MCTP1: variants seen among roughly 807,000 people sequenced by gnomAD.
MCTP1 encodes the protein multiple C2 and transmembrane domain containing 1, also known as multiple C2 and transmembrane domain-containing protein 1.
MCTP1 carries 69 observed loss-of-function variants against 120.6 expected under a neutral mutation model. The ratio of observed to expected loss-of-function variants is 0.57; its 90% CI spans 0.47 to 0.70. MCTP1 has a LOEUF of 0.70. Among genes scored for constraint, MCTP1 ranks in the 30% least tolerant of loss-of-function variants. The pLI is 0.00. For synonymous variants in MCTP1, 529 were observed against 493.1 expected (o/e 1.07, Z -0.96); for missense variants, 1,203 against 1,248.8 (o/e 0.96, Z 0.55).
At chr5:94,837,446 A>C (rs993913871) in intron 17 of MCTP1, among the ~76,000 whole-genome samples, 2 of 152,204 alleles carry the variant, frequency 1.3e-5, no homozygotes, top group Admixed American at 1.3e-4. Context: ...TCTGAGATTC[A>C]CTACTTCAGA....
At chr5:94,821,354 A>G (rs748832543) in intron 17 of MCTP1, among the ~76,000 whole-genome samples, 6 of 152,158 alleles carry the variant, frequency 3.9e-5, no homozygotes, top group Non-Finnish European at 8.8e-5. Context: ...AAAATTGTGA[A>G]TCATGTATCT....
At chr5:94,810,651 A>T (rs1414955732) in intron 17 of MCTP1, among the ~76,000 whole-genome samples, 1 of 152,190 alleles carries the variant, frequency 6.6e-6, no homozygotes, top group Non-Finnish European at 1.5e-5. Flanking sequence ...ATGATCAATT[A>T]TGGTAATTCC....
chr5:94,747,609 GGACTGTA>G (rs1767222139), intron 19 of MCTP1, among the ~76,000 whole-genome samples: 1 of 151,946 alleles, frequency 6.6e-6, no homozygotes, highest in Admixed American at 6.6e-5. Context: ...TTTGGCCTGT[GGACTGTA>G]GTTTACTGAC....
chr5:94,812,896 TTCTCTC>T lies in MCTP1; in HGVS notation c.2437-13770_2437-13765del, dbSNP rs70978132. Reference sequence around the variant, plus strand: ...ATTCACAGACACAACACCAAAAGCATTCTCTCTCTCTCTCTCTCTCTCTCTCTCTGT... The same window carrying T: ...ATTCACAGACACAACACCAAAAGCATTCTCTCTCTCTCTCTCTCTCTCTGT... On this transcript the variant is annotated intron_variant, in intron 17 of 22. Coordinates refer to ENST00000515393, the MANE Select transcript of MCTP1 (RefSeq NM_024717.7). Among the ~76,000 whole-genome samples the T allele has an allele frequency of 3.1e-3, 455 of 147,256 alleles. 3 individuals are homozygous for T. The highest frequency in any genetic ancestry group is 0.019 in the East Asian group (95 of 4,952).
At chr5:95,072,736 A>C (rs1313341101) in intron 1 of MCTP1, among the ~76,000 whole-genome samples, 2 of 135,318 alleles carry the variant, frequency 1.5e-5, no homozygotes, top group Non-Finnish European at 3.1e-5. Context: ...TCTGCTTAGC[A>C]ACTATTTTTT....
At chr5:95,009,026 G>A (rs1835332048) in intron 2 of MCTP1, among the ~76,000 whole-genome samples, 1 of 150,950 alleles carries the variant, frequency 6.6e-6, no homozygotes. Context: ...CTCTGAGAGT[G>A]AGGGTAAGAG....
chr5:95,214,061 A>G (rs1347268996), intron 1 of MCTP1, among the ~76,000 whole-genome samples: 11 of 152,298 alleles, frequency 7.2e-5, no homozygotes, highest in African/African-American at 2.4e-4. Flanking sequence ...AGAAACCACC[A>G]TCAGAGTGAA....
chr5:94,727,502 T>A (rs1419724059), intron 19 of MCTP1, among the ~76,000 whole-genome samples: 1 of 152,198 alleles, frequency 6.6e-6, no homozygotes, highest in Non-Finnish European at 1.5e-5. Flanking sequence ...ATTGCCAAGT[T>A]TCTGGAAATA....
chr5:94,923,957 A>G lies in MCTP1; in HGVS notation c.1272+5T>C, dbSNP rs775470436. Reference sequence around the variant, plus strand: ...GAATATTAACAAAAAGGATTTAGACATTACCCTCCAAAAGAGAGACTTCAC... The same window carrying G: ...GAATATTAACAAAAAGGATTTAGACGTTACCCTCCAAAAGAGAGACTTCAC... On this transcript the variant is annotated splice_donor_5th_base_variant and intron_variant, in intron 7 of 22. Coordinates refer to ENST00000515393, the MANE Select transcript of MCTP1 (RefSeq NM_024717.7). 14 of 1,514,040 alleles carry G rather than the reference A, an allele frequency of 9.2e-6. No individual in the cohort carries two copies. Among genetic ancestry groups the G allele is most frequent in the Non-Finnish European group, 1.2e-5 (14 of 1,131,482 alleles). The allele number at this position is 1,514,040 out of a possible 1,614,324, so 93.8% of individuals were successfully genotyped here. A position where few individuals can be genotyped will look rare whatever the true frequency, so the allele number is the denominator to read the frequency against.
intron 1 of MCTP1, among the ~76,000 whole-genome samples, chr5:95,120,006 A>G (rs1758089807): frequency 6.6e-6 from 1 of 151,886 alleles, no homozygotes; most frequent in South Asian, 2.1e-4. Context: ...CCTCGTCTCT[A>G]CTAAAAAAAA....
chr5:94,799,898 A>C (rs1172684787), intron 17 of MCTP1, among the ~76,000 whole-genome samples: 1 of 152,146 alleles, frequency 6.6e-6, no homozygotes, highest in African/African-American at 2.4e-5. Flanking sequence ...GTTGGATATA[A>C]AGTATGACTC....
chr5:95,058,939 G>GACC (rs1379165895), intron 1 of MCTP1, among the ~76,000 whole-genome samples: 1 of 152,070 alleles, frequency 6.6e-6, no homozygotes, highest in African/African-American at 2.4e-5. Context: ...CTGTGTCCAG[G>GACC]ACCACCCTTT....
chr5:95,091,751 C>G (rs960781110), intron 1 of MCTP1, among the ~76,000 whole-genome samples: 2 of 152,240 alleles, frequency 1.3e-5, no homozygotes, highest in African/African-American at 4.8e-5. Flanking sequence ...ACCTTTCACA[C>G]ATTCCTGACT....
chr5:94,899,050 T>C (rs1283998980), intron 10 of MCTP1, among the ~76,000 whole-genome samples: 2 of 152,158 alleles, frequency 1.3e-5, no homozygotes, highest in Non-Finnish European at 2.9e-5. Flanking sequence ...CTAAAAAAAC[T>C]TGAATGTTGG....
At chr5:95,072,091 G>GTGTGTGTC (rs1330243958) in intron 1 of MCTP1, among the ~76,000 whole-genome samples, 2 of 151,574 alleles carry the variant, frequency 1.3e-5, no homozygotes. Context: ...CTGTGTGTGT[G>GTGTGTGTC]TGTGTGTGTG....
At chr5:94,963,379 C>T (rs1824794223) in intron 2 of MCTP1, among the ~76,000 whole-genome samples, 1 of 146,228 alleles carries the variant, frequency 6.8e-6, no homozygotes. Context: ...TGAGAAACCT[C>T]CATACTGTTT....
rs778558227 is a variant in MCTP1 at position 95,284,382 on chromosome 5, C to T, written c.194G>A (p.Gly65Glu). 2.5e-6 allele frequency: 4 copies of T among 1,594,292 alleles called. No individual in the cohort carries two copies. The highest frequency in any genetic ancestry group is 1.1e-5 in the South Asian group (1 of 90,622). Reference protein sequence around the residue: ...SPSPPPPVGTGNAPARGSGAG... With the variant: ...SPSPPPPVGTENAPARGSGAG... ...ACCACTCCCCCTGGCCGGTGCATTC[C>T]CTGTGCCCACCGGGGGTGGCGGGGA... is the stretch of plus-strand genomic sequence containing the variant. Residue 65 changes from glycine (G) to glutamate (E), a missense_variant, in exon 1 of 23, where the codon GGG (glycine) becomes GAG (glutamate). Physicochemically the swap from Gly to Glu is moderately conservative, Grantham distance 98. Transcript: ENST00000515393. The surrounding 1 kb of genome is among the most constrained non-coding windows in gnomAD (Gnocchi z 5.2).
intron 6 of MCTP1, among the ~76,000 whole-genome samples, chr5:94,926,308 T>C (rs547582723): frequency 6.6e-6 from 1 of 152,332 alleles, no homozygotes; most frequent in Admixed American, 6.5e-5. Context: ...CAGCTAGTAT[T>C]CCTGATTACA....
chr5:94,770,619 C>T (rs146980429), intron 19 of MCTP1, among the ~76,000 whole-genome samples: 57 of 152,244 alleles, frequency 3.7e-4, no homozygotes, highest in African/African-American at 1.3e-3. Flanking sequence ...CCTAAACATT[C>T]CAAGACTGGA....
Sources: allele counts gnomAD v4.1 joint callset (sites outside exome capture counted in the v4.1 genomes callset), GRCh38; gene constraint gnomAD v4.1.1; non-coding constraint Gnocchi (gnomAD v3.1); transcripts MANE v1.5; gene names NCBI Gene and HGNC (gene_info 2026-07-23, HGNC 2026-07-21).